The following VSTM2B variants were observed in gnomAD, a reference collection of about 807,000 sequenced individuals.
VSTM2B encodes the protein V-set and transmembrane domain-containing protein 2B.
Under a neutral mutation model 24.0 loss-of-function variants are expected in VSTM2B, and 24 were observed. That is an observed-to-expected ratio of 1.00 (90% CI 0.72 to 1.40). VSTM2B has a LOEUF of 1.40. Among genes scored for constraint, VSTM2B ranks in the 40% most tolerant of loss-of-function variants. VSTM2B has a pLI of 0.00. For missense variants in VSTM2B, 399 were observed against 416.4 expected, an observed-to-expected ratio of 0.96 and a Z score of 0.36; for synonymous variants, 226 against 194.4, an observed-to-expected ratio of 1.16 and a Z score of -1.35.
intron 4 of VSTM2B, among the ~76,000 whole-genome samples, chr19:29,542,331 G>A (rs1970040406): frequency 6.6e-6 from 1 of 151,904 alleles, no homozygotes; most frequent in Non-Finnish European, 1.5e-5. Flanking sequence ...GTGTGAGTGG[G>A]TGGATGGATG....
chr19:29,529,920 C>T lies in VSTM2B; in HGVS notation c.399C>T (p.Ser133=), dbSNP rs756711400. ...ACGAGTGCCGCGTGTCGGACTACAGCGACGACGACACGCAGGAGCACAAGG... is the reference window on the plus strand; with the variant it reads ...ACGAGTGCCGCGTGTCGGACTACAGTGACGACGACACGCAGGAGCACAAGG... ...GVYECRVSDY[S]DDDTQEHKAQ... is the part of the protein sequence containing the mutation. The change falls in exon 4 of 5, where the codon AGC becomes AGT. Residue 133 remains serine, a synonymous_variant. Coordinates refer to ENST00000335523, the MANE Select transcript of VSTM2B (RefSeq NM_001146339.2). 1 of 1,550,188 alleles carries T rather than the reference C, an allele frequency of 6.5e-7. No individual in the cohort carries two copies. Among genetic ancestry groups the T allele is most frequent in the East Asian group, 2.4e-5 (1 of 40,900 alleles).
At chr19:29,536,983 G>T (rs900443413) in intron 4 of VSTM2B, among the ~76,000 whole-genome samples, 1 of 152,178 alleles carries the variant, frequency 6.6e-6, no homozygotes, top group African/African-American at 2.4e-5. Context: ...ATGGTTTTAA[G>T]ACATTTTTGC....
rs1304892527 is a variant in VSTM2B, at chr19:29,529,912, G to C, written c.391G>C (p.Asp131His). ...GGGCGTGTACGAGTGCCGCGTGTCG[G>C]ACTACAGCGACGACGACACGCAGGA... ...DEGVYECRVS[D>H]YSDDDTQEHK... Residue 131 changes from aspartate to histidine, a missense_variant, in exon 4 of 5, where the codon GAC (aspartate) becomes CAC (histidine). Physicochemically the swap from Asp to His is moderately conservative, Grantham distance 81. Coordinates refer to ENST00000335523, the MANE Select transcript of VSTM2B (RefSeq NM_001146339.2). 6.5e-7 allele frequency: 1 copy of C among 1,550,152 alleles called. No individual in the cohort carries two copies. The highest frequency in any genetic ancestry group is 2.0e-5 in the Admixed American group (1 of 50,980).
intron 4 of VSTM2B, among the ~76,000 whole-genome samples, chr19:29,556,686 T>C (rs1197697267): frequency 1.3e-5 from 2 of 152,234 alleles, no homozygotes; most frequent in East Asian, 3.8e-4. Context: ...ACTCTCAGGA[T>C]ACAAAATCAT....
chr19:29,534,333 G>A (rs1969834396), intron 4 of VSTM2B, among the ~76,000 whole-genome samples: 1 of 152,188 alleles, frequency 6.6e-6, no homozygotes. Flanking sequence ...CTGAAGGCAG[G>A]GGCACCCAGG....
chr19:29,564,322 T>G lies in VSTM2B; in HGVS notation c.*388T>G, dbSNP rs1369027785. 1 of 153,540 alleles carries G rather than the reference T, an allele frequency of 6.5e-6. No homozygotes were observed. 9.5% of individuals were successfully genotyped at this position (153,540 alleles called of 1,614,324 possible). On this transcript the variant is annotated 3_prime_UTR_variant, in exon 5 of 5. Coordinates refer to ENST00000335523, the MANE Select transcript of VSTM2B (RefSeq NM_001146339.2). Reference sequence around the variant, plus strand: ...GCAAAATATTTTTAGTAGATTATTGTGTTTAGGATTTTTTTTTAATTTACT... The same window carrying G: ...GCAAAATATTTTTAGTAGATTATTGGGTTTAGGATTTTTTTTTAATTTACT...
At position 29,557,483 on chromosome 19, in the gene VSTM2B, A is replaced by C. The variant is rs535390438; in HGVS notation, c.770-6363A>C. Among the ~76,000 whole-genome samples the C allele has an allele frequency of 3.3e-5, 5 of 152,334 alleles. No individual in the cohort carries two copies. The East Asian group carries it at 7.7e-4, about 24-fold the overall frequency. ...GAGACCAAGGTGGGTGGATCACCTG[A>C]GGTCAGGAGTTCAAGACCAGCCCGA... On this transcript the variant is annotated intron_variant, in intron 4 of 4. Coordinates refer to ENST00000335523, the MANE Select transcript of VSTM2B (RefSeq NM_001146339.2).
chr19:29,529,028 C>A (rs564822569), intron 3 of VSTM2B: 1 of 985,444 alleles, frequency 1.0e-6, no homozygotes, highest in African/African-American at 1.7e-5. Context: ...GGAGATGCGC[C>A]CAAGCTTCCC....
At chr19:29,537,372 G>A (rs960142539) in intron 4 of VSTM2B, among the ~76,000 whole-genome samples, 3 of 152,126 alleles carry the variant, frequency 2.0e-5, no homozygotes, top group Admixed American at 2.0e-4. Flanking sequence ...GGCTGCGGGG[G>A]CTGCTTGCAG....
intron 4 of VSTM2B, among the ~76,000 whole-genome samples, chr19:29,560,346 T>A (rs567585161): frequency 3.9e-4 from 59 of 152,280 alleles, no homozygotes; most frequent in African/African-American, 1.4e-3. Context: ...ATATTAATTT[T>A]ATGGAGCCAT....
At chr19:29,556,355 C>T (rs28766354) in intron 4 of VSTM2B, among the ~76,000 whole-genome samples, 8,588 of 152,256 alleles carry the variant, frequency 0.056, 433 homozygotes, top group African/African-American at 0.13. Flanking sequence ...CAAAAACTCT[C>T]AATTAACTAG....
intron 4 of VSTM2B, among the ~76,000 whole-genome samples, chr19:29,538,437 G>C (rs1969945017): frequency 1.3e-5 from 2 of 152,164 alleles, no homozygotes; most frequent in African/African-American, 2.4e-5. Context: ...TAACCATCCA[G>C]GATCGCTTAC....
chr19:29,529,006 C>T (rs1969657313), intron 3 of VSTM2B: 1 of 985,452 alleles, frequency 1.0e-6, no homozygotes, highest in African/African-American at 1.7e-5. Flanking sequence ...CATGGGGTTG[C>T]TAACTCTGGG....
At chr19:29,550,127 T>G (rs1399651513) in intron 4 of VSTM2B, among the ~76,000 whole-genome samples, 1 of 152,220 alleles carries the variant, frequency 6.6e-6, no homozygotes, top group Non-Finnish European at 1.5e-5. Context: ...CAAGAAGCCC[T>G]TGTTCTGACT....
In VSTM2B at chr19:29,533,267, C is replaced by G. The variant is rs969135442; in HGVS notation, c.769+2977C>G. Among the ~76,000 whole-genome samples the G allele has an allele frequency of 3.9e-5, 6 of 152,342 alleles. No individual in the cohort carries two copies. In the East Asian group the frequency reaches 9.7e-4, roughly 25 times the overall value. On this transcript the variant is annotated intron_variant, in intron 4 of 4. Coordinates refer to ENST00000335523, the MANE Select transcript of VSTM2B (RefSeq NM_001146339.2). ...ATGCCCATGTGGGTCACTCTGCCTT[C>G]CCTGGAGGGGCTGATGTCCACTGCC...
intron 4 of VSTM2B, among the ~76,000 whole-genome samples, chr19:29,545,214 G>A (rs1231341115): frequency 6.6e-6 from 1 of 152,130 alleles, no homozygotes; most frequent in Admixed American, 6.5e-5. Context: ...GGCAGGCAGG[G>A]GTGCGGGGAG....
At position 29,530,128 on chromosome 19, in the gene VSTM2B, C is replaced by A. The variant is rs1307398780; in HGVS notation, c.607C>A (p.Pro203Thr). The A allele has an allele frequency of 6.9e-7, 1 of 1,448,214 alleles. No individual in the cohort carries two copies. Among genetic ancestry groups the A allele is most frequent in the Admixed American group, 2.8e-5 (1 of 35,676 alleles). 89.7% of individuals were successfully genotyped at this position (1,448,214 alleles called of 1,614,324 possible). The change falls in exon 4 of 5, where the codon CCG (proline) becomes ACG (threonine). Residue 203 changes from proline (P) to threonine (T), a missense_variant. Pro to Thr is a conservative substitution (Grantham distance 38). Coordinates refer to ENST00000335523, the MANE Select transcript of VSTM2B (RefSeq NM_001146339.2). ...SEPGRGDKSP[P>T]PGSPPAAIDP... Reference sequence around the variant, plus strand: ...GCCCGGCCGCGGCGACAAGAGCCCGCCGCCCGGGAGCCCTCCCGCCGCCAT... The same window carrying A: ...GCCCGGCCGCGGCGACAAGAGCCCGACGCCCGGGAGCCCTCCCGCCGCCAT...
At chr19:29,552,142 T>C (rs2145503224) in intron 4 of VSTM2B, among the ~76,000 whole-genome samples, 1 of 152,348 alleles carries the variant, frequency 6.6e-6, no homozygotes, top group East Asian at 1.9e-4. Flanking sequence ...GACACAGGGC[T>C]GCAAGACTCC....
intron 4 of VSTM2B, among the ~76,000 whole-genome samples, chr19:29,561,942 C>T (rs1474900710): frequency 6.6e-6 from 1 of 152,184 alleles, no homozygotes; most frequent in Non-Finnish European, 1.5e-5. Flanking sequence ...AGCTGTGCTG[C>T]AGGAGGGCCA....
Sources: allele counts gnomAD v4.1 joint callset (sites outside exome capture counted in the v4.1 genomes callset), GRCh38; gene constraint gnomAD v4.1.1; transcripts MANE v1.5; gene names NCBI Gene and HGNC (gene_info 2026-07-23, HGNC 2026-07-21).